KLF12: variants seen among roughly 807,000 people sequenced by gnomAD.
KLF12 encodes the protein Krueppel-like factor 12.
In KLF12, 9 loss-of-function variants were observed where a neutral mutation model predicts 37.8. That is an observed-to-expected ratio of 0.24 (90% CI 0.14 to 0.42). The LOEUF (loss-of-function observed/expected upper bound fraction) is 0.42, where lower values mean the gene tolerates loss of function less well. KLF12 is among the 10% of genes least tolerant of loss of function. The pLI is 1.00. For synonymous variants in KLF12, 208 were observed against 202.1 expected, an observed-to-expected ratio of 1.03 and a Z score of -0.25; for missense variants, 411 against 516.0, an observed-to-expected ratio of 0.80 and a Z score of 1.97.
the KLF12 span, among the ~76,000 whole-genome samples, chr13:74,260,309 A>G: frequency 6.6e-6 from 1 of 152,024 alleles, no homozygotes; most frequent in Non-Finnish European, 1.5e-5. Flanking sequence ...GAATCCCAGT[A>G]CTTTGGGAGG....
rs375096563 is a variant in KLF12, at chr13:73,716,672, CA to C, written c.870-1148del. On this transcript the variant is annotated intron_variant, in intron 6 of 7. Transcript: ENST00000377669. ...ATACAAATCTGCATTTACAGACATTCATTTTTTTTGTGTGTTTTTTAAGTCA... is the reference window on the plus strand; with the variant it reads ...ATACAAATCTGCATTTACAGACATTCTTTTTTTTGTGTGTTTTTTAAGTCA... Among the ~76,000 whole-genome samples, 469 of 152,102 alleles carry C rather than the reference CA, an allele frequency of 3.1e-3. 1 individual carries two copies. Among genetic ancestry groups the C allele is most frequent in the East Asian group, 0.012 (60 of 5,174 alleles).
intron 1 of KLF12, among the ~76,000 whole-genome samples, chr13:74,094,929 C>T (rs1340387605): frequency 6.6e-6 from 1 of 152,170 alleles, no homozygotes; most frequent in African/African-American, 2.4e-5. Context: ...ATTTGTAAAG[C>T]ATTTTTGAAA....
intron 1 of KLF12, among the ~76,000 whole-genome samples, chr13:74,082,980 AT>A (rs1380960647): frequency 6.6e-6 from 1 of 152,194 alleles, no homozygotes; most frequent in Non-Finnish European, 1.5e-5. Context: ...ATAAAGAAAA[AT>A]GTTTCAACAA....
chr13:73,879,997 AGTC>A (rs1432693943), intron 3 of KLF12, among the ~76,000 whole-genome samples: 6 of 152,194 alleles, frequency 3.9e-5, no homozygotes, highest in African/African-American at 1.4e-4. Context: ...CTGATCCTTC[AGTC>A]GTCTCAGTGA....
At chr13:74,072,873 T>C (rs1024616067) in intron 1 of KLF12, among the ~76,000 whole-genome samples, 2 of 152,142 alleles carry the variant, frequency 1.3e-5, no homozygotes, top group Non-Finnish European at 2.9e-5. Flanking sequence ...AATATGACCA[T>C]TGATATGGTT....
intron 5 of KLF12, among the ~76,000 whole-genome samples, chr13:73,792,638 T>C (rs1437753808): frequency 6.6e-6 from 1 of 152,172 alleles, no homozygotes; most frequent in African/African-American, 2.4e-5. Flanking sequence ...TATATCATGA[T>C]CTGTATGAAG....
At chr13:74,129,472 G>T (rs1298039893) in intron 1 of KLF12, among the ~76,000 whole-genome samples, 1 of 152,162 alleles carries the variant, frequency 6.6e-6, no homozygotes, top group Non-Finnish European at 1.5e-5. Flanking sequence ...TATCGTGGTA[G>T]CTTCTACAGT....
chr13:74,249,819 G>C, the KLF12 span, among the ~76,000 whole-genome samples: 1 of 152,160 alleles, frequency 6.6e-6, no homozygotes, highest in Admixed American at 6.5e-5. Flanking sequence ...CGTTTCTTCA[G>C]TTAGTCCCTG....
At chr13:74,090,677 G>T (rs4531615) in intron 1 of KLF12, among the ~76,000 whole-genome samples, 1 of 151,772 alleles carries the variant, frequency 6.6e-6, no homozygotes, top group African/African-American at 2.4e-5. Context: ...GAGGTCTGTC[G>T]CCTGTTTTTT....
chr13:73,855,800 T>C (rs1031377933), intron 3 of KLF12, among the ~76,000 whole-genome samples: 10 of 150,442 alleles, frequency 6.6e-5, no homozygotes, highest in Non-Finnish European at 1.3e-4. Flanking sequence ...TGGTATGACA[T>C]GGCATCTCAT....
At chr13:73,905,532 G>A (rs548795931) in intron 3 of KLF12, among the ~76,000 whole-genome samples, 3 of 151,724 alleles carry the variant, frequency 2.0e-5, no homozygotes, top group South Asian at 2.1e-4. Context: ...GTTAATTTAC[G>A]TTTTAAAAAA....
At chr13:73,769,577 C>A (rs1173006969) in intron 5 of KLF12, among the ~76,000 whole-genome samples, 1 of 152,186 alleles carries the variant, frequency 6.6e-6, no homozygotes, top group Non-Finnish European at 1.5e-5. Context: ...GAGGCTCCAA[C>A]TGAGCTACCA....
intron 4 of KLF12, chr13:73,844,775 T>C (rs1440439650): frequency 2.6e-5 from 4 of 152,202 alleles, no homozygotes; most frequent in Non-Finnish European, 5.9e-5. Context: ...TATGTACTCA[T>C]CGATCATATT....
At chr13:73,943,922 T>C in intron 3 of KLF12, 59 bp downstream of exon 3, 1 of 1,031,032 alleles carries the variant, frequency 9.7e-7, no homozygotes, top group Non-Finnish European at 1.5e-6. Flanking sequence ...CAGGATGCTC[T>C]GCAGAAGAAT....
chr13:74,127,466 A>G (rs1459349040), intron 1 of KLF12, among the ~76,000 whole-genome samples: 2 of 152,242 alleles, frequency 1.3e-5, no homozygotes, highest in Admixed American at 6.5e-5. Context: ...GTGTATTCTT[A>G]AAGCAGGGGA....
chr13:74,021,294 GA>G (rs199973309), intron 1 of KLF12, among the ~76,000 whole-genome samples: 82 of 147,864 alleles, frequency 5.5e-4, no homozygotes, highest in Non-Finnish European at 1.1e-3. Flanking sequence ...TTCTCATCAA[GA>G]AAAAAAAAAG....
chr13:74,184,024 G>A, the KLF12 span, among the ~76,000 whole-genome samples: 1 of 152,256 alleles, frequency 6.6e-6, no homozygotes, highest in East Asian at 1.9e-4. Flanking sequence ...GCTGTTCAAG[G>A]TGTGATCCAC....
intron 3 of KLF12, among the ~76,000 whole-genome samples, chr13:73,939,537 C>T (rs1890097040): frequency 1.3e-5 from 2 of 152,092 alleles, no homozygotes; most frequent in Admixed American, 6.5e-5. Flanking sequence ...GATCTACCTA[C>T]CCTATGTCTA....
At chr13:74,121,773 A>G (rs1877647329) in intron 1 of KLF12, among the ~76,000 whole-genome samples, 1 of 152,022 alleles carries the variant, frequency 6.6e-6, no homozygotes, top group Non-Finnish European at 1.5e-5. Flanking sequence ...TGCTAGTTGC[A>G]AGTATTAGAA....
Sources: gnomAD v4.1 joint callset for allele counts (sites outside exome capture counted in the v4.1 genomes callset) on GRCh38, gnomAD v4.1.1 for gene constraint, MANE v1.5 for transcripts, NCBI Gene and HGNC (gene_info 2026-07-23, HGNC 2026-07-21) for gene names.